Variants in ANO10 observed in about 807,000 individuals in gnomAD.
ANO10 encodes anoctamin-10.
ANO10 carries 77 observed loss-of-function variants against 74.7 expected under a neutral mutation model. That is an observed-to-expected ratio of 1.03 (90% CI 0.86 to 1.25). The LOEUF (loss-of-function observed/expected upper bound fraction) is 1.25, where lower values mean the gene tolerates loss of function less well. Among genes scored for constraint, ANO10 ranks in the 50% most tolerant of loss-of-function variants. The probability of loss-of-function intolerance (pLI) is 0.00; values close to 1 mark genes in which losing one functional copy is unlikely to be tolerated. For synonymous variants in ANO10, 279 were observed against 284.9 expected, an observed-to-expected ratio of 0.98 and a Z score of 0.21; for missense variants, 721 against 778.1, an observed-to-expected ratio of 0.93 and a Z score of 0.87.
At chr3:43,670,324 T>TTAAATAAATAAA (rs61670690) in intron 1 of ANO10, among the ~76,000 whole-genome samples, 1,596 of 145,970 alleles carry the variant, frequency 0.011, 17 homozygotes, top group African/African-American at 0.024. Flanking sequence ...AGACCCTTTC[T>TTAAATAAATAAA]TAAATAAATA....
intron 11 of ANO10, among the ~76,000 whole-genome samples, chr3:43,532,359 T>G (rs1473813943): frequency 6.6e-6 from 1 of 152,172 alleles, no homozygotes; most frequent in Non-Finnish European, 1.5e-5. Context: ...GAACTAATTT[T>G]ATACTAAATA....
At chr3:43,618,161 C>A (rs925739990) in intron 1 of ANO10, 1 of 152,304 alleles carries the variant, frequency 6.6e-6, no homozygotes, top group Non-Finnish European at 1.5e-5. Context: ...CTTACTATAA[C>A]AGTTTCTCAG....
intron 11 of ANO10, among the ~76,000 whole-genome samples, chr3:43,447,522 CT>C (rs1233659940): frequency 6.6e-6 from 1 of 152,094 alleles, no homozygotes; most frequent in Non-Finnish European, 1.5e-5. Flanking sequence ...TGTAAACTTT[CT>C]GTTCATAATG....
intron 8 of ANO10, among the ~76,000 whole-genome samples, chr3:43,562,625 G>A (rs2149350503): frequency 6.7e-6 from 1 of 149,146 alleles, no homozygotes; most frequent in East Asian, 2.0e-4. Flanking sequence ...AGGCTGCAGT[G>A]AGCCAAGGCT....
At position 43,542,817 on chromosome 3, in the gene ANO10, C is replaced by T. The variant is rs944797726; in HGVS notation, c.1797+6903G>A. On this transcript the variant is annotated intron_variant, in intron 11 of 12. Coordinates refer to ENST00000292246, the MANE Select transcript of ANO10 (RefSeq NM_018075.5). ...AGCTGGTTAGAACTGCAGCTCACATCCCCTGTGCCTTGACCAAGTACTCAG... is the reference window on the plus strand; with the variant it reads ...AGCTGGTTAGAACTGCAGCTCACATTCCCTGTGCCTTGACCAAGTACTCAG... Among the ~76,000 whole-genome samples the T allele has an allele frequency of 5.9e-5, 9 of 152,350 alleles. No homozygotes were observed. In the East Asian group the frequency reaches 7.7e-4, roughly 13 times the overall value.
chr3:43,489,300 C>T (rs1383150835), intron 11 of ANO10, among the ~76,000 whole-genome samples: 4 of 151,494 alleles, frequency 2.6e-5, no homozygotes. Context: ...TGCACATGTA[C>T]CCTAAAACTT....
intron 11 of ANO10, among the ~76,000 whole-genome samples, chr3:43,466,379 A>AC (rs1386057780): frequency 0.035 from 2,968 of 84,320 alleles, 87 homozygotes; most frequent in African/African-American, 0.077. Context: ...CAAAAAAAAA[A>AC]AAAAAAAACA....
chr3:43,443,482 T>G (rs140226388), intron 11 of ANO10, among the ~76,000 whole-genome samples: 9 of 152,092 alleles, frequency 5.9e-5, no homozygotes, highest in Non-Finnish European at 1.2e-4. Flanking sequence ...CAGGGAGACC[T>G]TGAGGCTCCC....
chr3:43,404,920 A>G (rs962487687), intron 12 of ANO10, among the ~76,000 whole-genome samples: 3 of 150,720 alleles, frequency 2.0e-5, no homozygotes, highest in African/African-American at 7.3e-5. Flanking sequence ...AAAGGAAAAG[A>G]AAAAAAAAGC....
chr3:43,682,443 T>C (rs1299592803), intron 1 of ANO10, among the ~76,000 whole-genome samples: 2 of 152,194 alleles, frequency 1.3e-5, no homozygotes, highest in East Asian at 1.9e-4. Context: ...AATTAATAGC[T>C]TACCAACCAA....
In ANO10 at chr3:43,442,383, A is replaced by G. The variant is rs186327815; in HGVS notation, c.1798-9656T>C. 3.7e-3 allele frequency among the ~76,000 whole-genome samples: 569 copies of G among 152,232 alleles called. 13 individuals carry two copies. Among genetic ancestry groups the G allele is most frequent in the Middle Eastern group, 3.4e-3 (1 of 294 alleles). On this transcript the variant is annotated intron_variant, in intron 11 of 12. Coordinates refer to ENST00000292246, the MANE Select transcript of ANO10 (RefSeq NM_018075.5). ...AAAATCAGTTACATTTCTATATACT[A>G]ACAATGAACAATTTGAAAAGGAAAT...
intron 8 of ANO10, among the ~76,000 whole-genome samples, chr3:43,564,082 C>T (rs1453894078): frequency 6.6e-6 from 1 of 151,842 alleles, no homozygotes; most frequent in Non-Finnish European, 1.5e-5. Flanking sequence ...TCTCACTTTG[C>T]AGTGCAGTGG....
chr3:43,649,629 T>G (rs1170090060), intron 1 of ANO10, among the ~76,000 whole-genome samples: 2 of 152,164 alleles, frequency 1.3e-5, no homozygotes, highest in East Asian at 3.9e-4. Context: ...CACTCAAGAT[T>G]TGAGCAAAGT....
chr3:43,537,314 A>G (rs974255946), intron 11 of ANO10, among the ~76,000 whole-genome samples: 5 of 152,100 alleles, frequency 3.3e-5, no homozygotes, highest in African/African-American at 1.2e-4. Flanking sequence ...TTCTACTCAT[A>G]TCCCACCTCC....
intron 12 of ANO10, among the ~76,000 whole-genome samples, chr3:43,431,213 C>T (rs1312789836): frequency 2.0e-5 from 3 of 151,984 alleles, no homozygotes; most frequent in Admixed American, 6.6e-5. Context: ...GCTGTTACTA[C>T]AAGCGTGCAC....
At chr3:43,670,994 G>C (rs1399528036) in intron 1 of ANO10, among the ~76,000 whole-genome samples, 2 of 152,164 alleles carry the variant, frequency 1.3e-5, no homozygotes, top group South Asian at 2.1e-4. Flanking sequence ...CAAAGAAACA[G>C]AGAAAAGACC....
intron 1 of ANO10, among the ~76,000 whole-genome samples, chr3:43,617,339 A>G (rs2083163323): frequency 6.6e-6 from 1 of 151,914 alleles, no homozygotes; most frequent in African/African-American, 2.4e-5. Context: ...TGCAGCCAAT[A>G]TCCTCCTTTG....
Position 43,365,966 on chromosome 3 carries a change from A to G in ANO10, c.*940T>C, listed in dbSNP as rs1365386401. The G allele has an allele frequency of 6.6e-6, 1 of 152,554 alleles. No homozygotes were observed. The highest frequency in any genetic ancestry group is 1.9e-4 in the East Asian group (1 of 5,200). The allele number at this position is 152,554 out of a possible 1,614,324, so 9.5% of individuals were successfully genotyped here. A position where few individuals can be genotyped will look rare whatever the true frequency, so the allele number is the denominator to read the frequency against. ...GTATACGTGGGCAGCACTGGCCTAC[A>G]TGGCATTCTTGTGCCTGTGAATGCA... On this transcript the variant is annotated 3_prime_UTR_variant, in exon 13 of 13. Transcript: ENST00000292246.
chr3:43,605,674 G>A (rs763386634), intron 2 of ANO10, 40 bp downstream of exon 2: 1 of 1,609,182 alleles, frequency 6.2e-7, no homozygotes, highest in East Asian at 2.2e-5. Flanking sequence ...ATACAGTGTG[G>A]GAGGCCAGAC....
Sources: gnomAD v4.1 joint callset for allele counts (sites outside exome capture counted in the v4.1 genomes callset) on GRCh38, gnomAD v4.1.1 for gene constraint, MANE v1.5 for transcripts, NCBI Gene and HGNC (gene_info 2026-07-23, HGNC 2026-07-21) for gene names.